Variants in CDH4 observed in about 807,000 individuals in gnomAD.
CDH4 encodes the protein cadherin 4.
Under a neutral mutation model 86.0 loss-of-function variants are expected in CDH4, and 33 were observed. That is an observed-to-expected ratio of 0.38 (90% CI 0.29 to 0.51). CDH4 has a LOEUF of 0.51. Among genes scored for constraint, CDH4 ranks in the 20% least tolerant of loss-of-function variants. The pLI is 0.86. For synonymous variants in CDH4, 555 were observed against 549.4 expected (o/e 1.01, Z -0.14); for missense variants, 1,114 against 1,307.4 (o/e 0.85, Z 2.28).
chr20:61,628,620 C>T (rs947603095), intron 2 of CDH4, among the ~76,000 whole-genome samples: 8 of 152,238 alleles, frequency 5.3e-5, no homozygotes, highest in South Asian at 2.1e-4. Flanking sequence ...CCCCACAGGC[C>T]GGGCATCTGG....
chr20:61,583,300 A>G (rs2145722077), intron 2 of CDH4, among the ~76,000 whole-genome samples: 2 of 98,646 alleles, frequency 2.0e-5, no homozygotes, highest in Middle Eastern at 0.01. Context: ...GCGGGGGGAC[A>G]GAGGGCTCTG....
chr20:61,615,154 A>G (rs1271849912), intron 2 of CDH4, among the ~76,000 whole-genome samples: 2 of 151,110 alleles, frequency 1.3e-5, no homozygotes, highest in Non-Finnish European at 2.9e-5. Context: ...ACAGAGTCTC[A>G]CTCTGTCACC....
intron 3 of CDH4, among the ~76,000 whole-genome samples, chr20:61,751,762 T>C (rs2088499527): frequency 6.6e-6 from 1 of 152,228 alleles, no homozygotes; most frequent in African/African-American, 2.4e-5. Flanking sequence ...ATCTGGCCAT[T>C]TGGGGGAAAG....
intron 2 of CDH4, chr20:61,740,809 G>C (rs1369570666): frequency 2.0e-5 from 3 of 152,264 alleles, no homozygotes; most frequent in African/African-American, 7.2e-5. Context: ...GAACACCCAA[G>C]TTATGGTTAG....
chr20:61,451,129 C>CCCT (rs1555851642), intron 2 of CDH4, among the ~76,000 whole-genome samples: 26,979 of 149,426 alleles, frequency 0.18, 2,402 homozygotes, highest in African/African-American at 0.2. Context: ...CACGCCCCCC[C>CCCT]CCTTCCCTCC....
At chr20:61,559,293 G>C (rs1276194948) in intron 2 of CDH4, among the ~76,000 whole-genome samples, 1 of 152,058 alleles carries the variant, frequency 6.6e-6, no homozygotes, top group African/African-American at 2.4e-5. Context: ...ACTCCAGCCT[G>C]GGTGACAGAG....
In CDH4 at chr20:61,676,409, A is replaced by T. The variant is rs746178654; in HGVS notation, c.170-67154A>T. Among the ~76,000 whole-genome samples, 5 of 152,180 alleles carry T rather than the reference A, an allele frequency of 3.3e-5. No homozygotes were observed. Among genetic ancestry groups the T allele is most frequent in the Non-Finnish European group, 7.3e-5 (5 of 68,032 alleles). On this transcript the variant is annotated intron_variant, in intron 2 of 15. Transcript: ENST00000614565. This position sits in a 1 kb window ranked among gnomAD's most constrained non-coding sequence, Gnocchi z 4.5. ...CTTCCAAGGCATCCATCTTTACCTGAAAAAGAAGGTGGATGGGGGAGGGAT... is the reference window on the plus strand; with the variant it reads ...CTTCCAAGGCATCCATCTTTACCTGTAAAAGAAGGTGGATGGGGGAGGGAT...
rs139607753 is a variant in CDH4, at chr20:61,269,007, C to T, written c.169+14070C>T. Among the ~76,000 whole-genome samples, 2,615 of 152,226 alleles carry T rather than the reference C, an allele frequency of 0.017. 41 individuals are homozygous for T. The highest frequency in any genetic ancestry group is 0.026 in the Non-Finnish European group (1,799 of 68,024). ...CCTGCAAATGTGATGAGGAGTGTTG[C>T]GCAGACACCTTGGGTGAGCATCAGA... On this transcript the variant is annotated intron_variant, in intron 2 of 15. Transcript: ENST00000614565. The surrounding 1 kb of genome is among the most constrained non-coding windows in gnomAD (Gnocchi z 5.3).
chr20:61,924,936 C>A (rs997209918), intron 11 of CDH4, among the ~76,000 whole-genome samples: 1 of 152,204 alleles, frequency 6.6e-6, no homozygotes, highest in Non-Finnish European at 1.5e-5. Context: ...TGCCACAGAC[C>A]CCATCCTGCG....
intron 2 of CDH4, among the ~76,000 whole-genome samples, chr20:61,300,615 G>A (rs1184371152): frequency 6.6e-6 from 1 of 152,182 alleles, no homozygotes; most frequent in African/African-American, 2.4e-5. Flanking sequence ...CGTCTCCCGG[G>A]TCTGTGTCCC....
chr20:61,566,078 C>T (rs1600765755), intron 2 of CDH4, among the ~76,000 whole-genome samples: 1 of 152,338 alleles, frequency 6.6e-6, no homozygotes. Flanking sequence ...CCTCTGCTTC[C>T]CTGGTGCCTC....
chr20:61,527,138 C>G (rs913253523), intron 2 of CDH4, among the ~76,000 whole-genome samples: 5 of 152,282 alleles, frequency 3.3e-5, no homozygotes, highest in African/African-American at 1.2e-4. Context: ...TGTCAGCCTA[C>G]CCCTCTGCAC....
intron 2 of CDH4, among the ~76,000 whole-genome samples, chr20:61,313,490 C>T (rs1035695406): frequency 2.0e-5 from 3 of 152,140 alleles, no homozygotes; most frequent in South Asian, 2.1e-4. Flanking sequence ...CAAACCCTGT[C>T]GGGAAGCCAC....
chr20:61,873,617 T>A, intron 6 of CDH4, 111 bp from the exon 7 acceptor site: 1 of 1,164,470 alleles, frequency 8.6e-7, no homozygotes, highest in Non-Finnish European at 1.2e-6. Context: ...GGGGTTCCGC[T>A]ACGCCAGACT....
At chr20:61,387,031 T>C (rs1224170703) in intron 2 of CDH4, among the ~76,000 whole-genome samples, 1 of 152,228 alleles carries the variant, frequency 6.6e-6, no homozygotes, top group Non-Finnish European at 1.5e-5. Context: ...CATTACTGGG[T>C]TGGATTCTTT....
At chr20:61,841,120 C>T (rs2146096478) in intron 4 of CDH4, among the ~76,000 whole-genome samples, 1 of 152,364 alleles carries the variant, frequency 6.6e-6, no homozygotes, top group Admixed American at 6.5e-5. Context: ...CCTCCTGCCT[C>T]CAGAAGACTG....
intron 2 of CDH4, among the ~76,000 whole-genome samples, chr20:61,564,862 G>C (rs2086252425): frequency 6.6e-6 from 1 of 152,174 alleles, no homozygotes; most frequent in African/African-American, 2.4e-5. Context: ...GTCCCCGGGG[G>C]AGATGCGGGA....
chr20:61,595,308 CCCT>C (rs2086548825), intron 2 of CDH4, among the ~76,000 whole-genome samples: 1 of 152,254 alleles, frequency 6.6e-6, no homozygotes, highest in African/African-American at 2.4e-5. Context: ...ATGGGGCCTG[CCCT>C]ACCTGAGTGT....
intron 2 of CDH4, among the ~76,000 whole-genome samples, chr20:61,689,833 T>TCGGG (rs1568757565): frequency 1.3e-3 from 183 of 139,152 alleles, no homozygotes; most frequent in African/African-American, 4.2e-3. Context: ...TGATGTGGAA[T>TCGGG]TGAGCTGGGA....
Sources: allele counts gnomAD v4.1 joint callset (sites outside exome capture counted in the v4.1 genomes callset), GRCh38; gene constraint gnomAD v4.1.1; non-coding constraint Gnocchi (gnomAD v3.1); transcripts MANE v1.5; gene names NCBI Gene and HGNC (gene_info 2026-07-23, HGNC 2026-07-21).